DNAJC1: variants seen among roughly 807,000 people sequenced by gnomAD.
DNAJC1 encodes the protein dnaJ homolog subfamily C member 1.
In DNAJC1, 58 loss-of-function variants were observed where a neutral mutation model predicts 76.6. The ratio of observed to expected loss-of-function variants is 0.76; its 90% CI spans 0.61 to 0.94. The LOEUF is 0.94. Among genes scored for constraint, DNAJC1 ranks in the 40% least tolerant of loss-of-function variants. The pLI, the probability that DNAJC1 is intolerant of heterozygous loss-of-function variation, is 0.00. For missense variants in DNAJC1, 689 were observed against 677.3 expected, an observed-to-expected ratio of 1.02 and a Z score of -0.19; for synonymous variants, 258 against 267.9, an observed-to-expected ratio of 0.96 and a Z score of 0.36.
chr10:21,890,360 C>T (rs1564818590), intron 7 of DNAJC1, among the ~76,000 whole-genome samples: 1 of 150,640 alleles, frequency 6.6e-6, no homozygotes. Context: ...TTGCAGTGAG[C>T]CAAGATCACG....
chr10:21,885,443 T>G (rs1836354790), intron 7 of DNAJC1, among the ~76,000 whole-genome samples: 2 of 152,008 alleles, frequency 1.3e-5, no homozygotes, highest in South Asian at 4.1e-4. Context: ...AGGCAGAAAA[T>G]TAACAAAGAT....
intron 1 of DNAJC1, among the ~76,000 whole-genome samples, chr10:21,961,359 C>T (rs1189905455): frequency 6.6e-6 from 1 of 152,116 alleles, no homozygotes. Context: ...AAACAAAATG[C>T]AGTATATACA....
chr10:21,978,069 A>G (rs987911454), intron 1 of DNAJC1, among the ~76,000 whole-genome samples: 2 of 152,148 alleles, frequency 1.3e-5, no homozygotes, highest in Non-Finnish European at 2.9e-5. Context: ...AAGCTTCAAT[A>G]GTTTCTCTTC....
rs1403760362 is a variant in DNAJC1 at position 21,802,558 on chromosome 10, CT to C, written c.1098+3421del. ...GGGCTACATATATAACTACACACCC[CT>C]TACCTCACACTATGGCACTAAGCTA... On this transcript the variant is annotated intron_variant, in intron 9 of 11. Transcript: ENST00000376980. 5.9e-5 allele frequency among the ~76,000 whole-genome samples: 9 copies of C among 152,254 alleles called. No homozygotes were observed. The East Asian group carries it at 1.4e-3, about 23-fold the overall frequency.
At chr10:21,808,727 C>A (rs149952736) in intron 8 of DNAJC1, among the ~76,000 whole-genome samples, 42 of 152,294 alleles carry the variant, frequency 2.8e-4, no homozygotes, top group Non-Finnish European at 2.6e-4. Flanking sequence ...AATCTGGAGC[C>A]AACTGTAGCT....
At chr10:21,993,895 T>C (rs181037555) in intron 1 of DNAJC1, among the ~76,000 whole-genome samples, 104 of 152,288 alleles carry the variant, frequency 6.8e-4, no homozygotes, top group African/African-American at 2.5e-3. Flanking sequence ...CCCATTTTTA[T>C]CCTGCGGGCA....
intron 1 of DNAJC1, among the ~76,000 whole-genome samples, chr10:22,000,335 T>G (rs1208515734): frequency 2.0e-5 from 3 of 152,192 alleles, no homozygotes; most frequent in Non-Finnish European, 4.4e-5. Context: ...AGTCAAATCA[T>G]GTATCTTTTC....
At chr10:21,793,619 T>C (rs751241808) in intron 9 of DNAJC1, among the ~76,000 whole-genome samples, 8 of 152,190 alleles carry the variant, frequency 5.3e-5, no homozygotes, top group Non-Finnish European at 1.0e-4. Context: ...TATTCCTACA[T>C]ACCAGCAATG....
rs1836558303 is a variant in DNAJC1, at chr10:21,897,266, A to G, written c.820+7256T>C. Among the ~76,000 whole-genome samples the G allele has an allele frequency of 2.0e-5, 3 of 152,214 alleles. No individual in the cohort carries two copies. In the South Asian group the frequency reaches 6.2e-4, roughly 31 times the overall value. On this transcript the variant is annotated intron_variant, in intron 7 of 11. Coordinates refer to ENST00000376980, the MANE Select transcript of DNAJC1 (RefSeq NM_022365.4). ...CCATGTCCTCGTGGTGTTTACTCCA[A>G]GTATGCATAGCTGGTTCAATATTCA...
At chr10:21,842,254 T>TAA (rs200343722) in intron 8 of DNAJC1, among the ~76,000 whole-genome samples, 1 of 140,474 alleles carries the variant, frequency 7.1e-6, no homozygotes, top group African/African-American at 2.6e-5. Context: ...TAATAAGAAT[T>TAA]AAAAAAAAAA....
At chr10:21,758,553 A>G (rs1327382155) in intron 11 of DNAJC1, among the ~76,000 whole-genome samples, 1 of 152,202 alleles carries the variant, frequency 6.6e-6, no homozygotes, top group East Asian at 1.9e-4. Context: ...ACAAACGGCC[A>G]CGGCCGTGGA....
chr10:21,832,429 A>C (rs138024821), intron 8 of DNAJC1, among the ~76,000 whole-genome samples: 122 of 152,320 alleles, frequency 8.0e-4, no homozygotes, highest in African/African-American at 2.8e-3. Flanking sequence ...TTCCTGATGT[A>C]TGTCCCATTT....
At chr10:21,903,568 G>A (rs995819548) in intron 7 of DNAJC1, among the ~76,000 whole-genome samples, 2 of 152,114 alleles carry the variant, frequency 1.3e-5, no homozygotes, top group Admixed American at 6.6e-5. Context: ...AATATTCATG[G>A]CATTACATGA....
At chr10:21,952,103 A>C (rs1484099185) in intron 1 of DNAJC1, among the ~76,000 whole-genome samples, 3 of 152,228 alleles carry the variant, frequency 2.0e-5, no homozygotes, top group African/African-American at 7.2e-5. Context: ...CATTATTGTT[A>C]AGTGTAATTA....
intron 9 of DNAJC1, among the ~76,000 whole-genome samples, chr10:21,769,114 A>G (rs574707005): frequency 4.6e-5 from 7 of 152,264 alleles, no homozygotes; most frequent in African/African-American, 1.7e-4. Flanking sequence ...GTTCCTCAAC[A>G]TTCTACCCTT....
At chr10:21,910,950 A>AAG (rs1303591599) in intron 6 of DNAJC1, among the ~76,000 whole-genome samples, 1 of 148,082 alleles carries the variant, frequency 6.8e-6, no homozygotes, top group Non-Finnish European at 1.5e-5. Context: ...AGAGACAAAG[A>AAG]AGAGAGAGAG....
At chr10:21,908,596 C>A (rs996098863) in intron 6 of DNAJC1, among the ~76,000 whole-genome samples, 1 of 150,964 alleles carries the variant, frequency 6.6e-6, no homozygotes, top group Non-Finnish European at 1.5e-5. Flanking sequence ...TTTACCTACA[C>A]AGAAAGTTAG....
intron 9 of DNAJC1, among the ~76,000 whole-genome samples, chr10:21,801,709 T>G (rs889490771): frequency 6.6e-6 from 1 of 152,152 alleles, no homozygotes; most frequent in African/African-American, 2.4e-5. Flanking sequence ...GCAGCACTAT[T>G]CACAACAGCA....
At chr10:21,865,092 T>C (rs904398243) in intron 8 of DNAJC1, among the ~76,000 whole-genome samples, 4 of 152,064 alleles carry the variant, frequency 2.6e-5, no homozygotes, top group Non-Finnish European at 4.4e-5. Context: ...TGTGGAGCAA[T>C]TGCACTTCTC....
Sources: gnomAD v4.1 joint callset for allele counts (sites outside exome capture counted in the v4.1 genomes callset) on GRCh38, gnomAD v4.1.1 for gene constraint, MANE v1.5 for transcripts, NCBI Gene and HGNC (gene_info 2026-07-23, HGNC 2026-07-21) for gene names.